The following TSPAN5 variants were observed in gnomAD, a reference collection of about 807,000 sequenced individuals.
The protein encoded by TSPAN5 is tetraspanin-5.
A neutral mutation model predicts 37.1 loss-of-function variants in TSPAN5; 10 were observed. That is an observed-to-expected ratio of 0.27 (90% CI 0.17 to 0.46). TSPAN5 has a LOEUF of 0.46. TSPAN5 is among the 20% of genes least tolerant of loss of function. The pLI is 1.00. For missense variants in TSPAN5, 195 were observed against 326.6 expected, an observed-to-expected ratio of 0.60 and a Z score of 3.11; for synonymous variants, 110 against 118.9, an observed-to-expected ratio of 0.93 and a Z score of 0.48.
intron 1 of TSPAN5, among the ~76,000 whole-genome samples, chr4:98,628,304 T>C (rs1756654284): frequency 6.6e-6 from 1 of 152,042 alleles, no homozygotes; most frequent in South Asian, 2.1e-4. Flanking sequence ...TACATGCAAC[T>C]TTTGAAGGAC....
At chr4:98,598,258 GC>G (rs1560552819) in intron 1 of TSPAN5, among the ~76,000 whole-genome samples, 2 of 142,516 alleles carry the variant, frequency 1.4e-5, no homozygotes, top group East Asian at 4.2e-4. Context: ...GACCCCTTGC[GC>G]TTCCCAGGTG....
chr4:98,649,754 C>CAG (rs1344215733), intron 1 of TSPAN5, among the ~76,000 whole-genome samples: 1 of 152,178 alleles, frequency 6.6e-6, no homozygotes, highest in Non-Finnish European at 1.5e-5. Flanking sequence ...CCACCAGGCA[C>CAG]AGCACAGCCT....
intron 1 of TSPAN5, among the ~76,000 whole-genome samples, chr4:98,578,494 C>T (rs948872866): frequency 3.4e-4 from 51 of 152,064 alleles, no homozygotes; most frequent in Non-Finnish European, 5.1e-4. Flanking sequence ...GGCACAATCT[C>T]GGCTCACTGC....
At chr4:98,555,467 T>A (rs747170061) in intron 1 of TSPAN5, among the ~76,000 whole-genome samples, 5 of 152,182 alleles carry the variant, frequency 3.3e-5, no homozygotes, top group Non-Finnish European at 7.3e-5. Flanking sequence ...CCCCCTCATA[T>A]TACTAACCAC....
intron 1 of TSPAN5, among the ~76,000 whole-genome samples, chr4:98,517,563 C>A (rs550118826): frequency 6.6e-6 from 1 of 152,036 alleles, no homozygotes; most frequent in Non-Finnish European, 1.5e-5. Flanking sequence ...GTCTACAATC[C>A]AGGGACAGTC....
At chr4:98,482,218 A>G (rs375979060) in intron 3 of TSPAN5, 43 bp from the exon 4 acceptor site, 74 of 1,576,414 alleles carry the variant, frequency 4.7e-5, no homozygotes, top group Non-Finnish European at 6.2e-5. Context: ...TATAAGGGCT[A>G]TTTTGATCAT....
intron 1 of TSPAN5, among the ~76,000 whole-genome samples, chr4:98,537,216 C>G (rs1754255073): frequency 6.6e-6 from 1 of 152,162 alleles, no homozygotes; most frequent in East Asian, 1.9e-4. Context: ...CAGGCTCAGT[C>G]CCTCACGGCT....
rs557937347 is a variant in TSPAN5 at position 98,563,894 on chromosome 4, G to T, written c.82-56166C>A. On this transcript the variant is annotated intron_variant, in intron 1 of 7. Coordinates refer to ENST00000305798, the MANE Select transcript of TSPAN5 (RefSeq NM_005723.4). ...TGGGTAGAGGTTGGGGAAGTCTCTA[G>T]ATGTTCTATAATATACAAGACAGTC... Among the ~76,000 whole-genome samples the T allele has an allele frequency of 3.3e-5, 5 of 152,262 alleles. No individual in the cohort carries two copies. The South Asian group carries it at 1.0e-3, about 32-fold the overall frequency.
intron 1 of TSPAN5, among the ~76,000 whole-genome samples, chr4:98,547,195 T>G (rs1388362942): frequency 6.6e-6 from 1 of 152,174 alleles, no homozygotes; most frequent in African/African-American, 2.4e-5. Context: ...CACGCGGTGC[T>G]CCCACTGAGG....
At chr4:98,576,218 T>C (rs1478953447) in intron 1 of TSPAN5, among the ~76,000 whole-genome samples, 3 of 152,156 alleles carry the variant, frequency 2.0e-5, no homozygotes, top group Non-Finnish European at 2.9e-5. Flanking sequence ...TCCCCCTCAA[T>C]TCATGTACAC....
intron 1 of TSPAN5, among the ~76,000 whole-genome samples, chr4:98,550,231 C>T (rs1754579444): frequency 6.6e-6 from 1 of 152,030 alleles, no homozygotes; most frequent in Non-Finnish European, 1.5e-5. Context: ...TATTCTATTC[C>T]ACTGATCTAT....
intron 1 of TSPAN5, among the ~76,000 whole-genome samples, chr4:98,654,164 T>C (rs1368226864): frequency 1.3e-5 from 2 of 152,210 alleles, no homozygotes; most frequent in Non-Finnish European, 2.9e-5. Context: ...CAACTCCAAC[T>C]ACATCTCACC....
chr4:98,588,981 T>C (rs1031838156), intron 1 of TSPAN5, among the ~76,000 whole-genome samples: 5 of 152,116 alleles, frequency 3.3e-5, no homozygotes, highest in African/African-American at 1.2e-4. Flanking sequence ...CTGCATTCTA[T>C]ACATGAGAAA....
At chr4:98,619,600 A>G (rs145272551) in intron 1 of TSPAN5, among the ~76,000 whole-genome samples, 426 of 152,336 alleles carry the variant, frequency 2.8e-3, no homozygotes, top group Non-Finnish European at 4.6e-3. Context: ...CTTACTGCCT[A>G]TTTAAAAAGG....
chr4:98,640,312 G>T (rs1756937523), intron 1 of TSPAN5, among the ~76,000 whole-genome samples: 1 of 152,172 alleles, frequency 6.6e-6, no homozygotes, highest in Non-Finnish European at 1.5e-5. Context: ...ATTTATTTCA[G>T]ATTCAACTAA....
At chr4:98,552,607 T>C (rs1052793577) in intron 1 of TSPAN5, among the ~76,000 whole-genome samples, 2 of 152,168 alleles carry the variant, frequency 1.3e-5, no homozygotes, top group African/African-American at 4.8e-5. Context: ...ACATTAACAA[T>C]TGGTTTGGGA....
At chr4:98,652,238 A>C (rs1472966314) in intron 1 of TSPAN5, among the ~76,000 whole-genome samples, 1 of 152,114 alleles carries the variant, frequency 6.6e-6, no homozygotes, top group Non-Finnish European at 1.5e-5. Context: ...CAGCCCCCAC[A>C]CTTGAAGCCC....
chr4:98,497,472 A>C (rs1480958339), intron 2 of TSPAN5, among the ~76,000 whole-genome samples: 1 of 152,158 alleles, frequency 6.6e-6, no homozygotes, highest in African/African-American at 2.4e-5. Context: ...AGCCTGGCGA[A>C]CTGTGAGAGA....
At chr4:98,495,057 G>A (rs1303938689) in intron 2 of TSPAN5, among the ~76,000 whole-genome samples, 4 of 152,146 alleles carry the variant, frequency 2.6e-5, no homozygotes, top group African/African-American at 9.7e-5. Context: ...GTGCTGCCAC[G>A]ATGGTGGCAC....
Sources: allele counts gnomAD v4.1 joint callset (sites outside exome capture counted in the v4.1 genomes callset), GRCh38; gene constraint gnomAD v4.1.1; transcripts MANE v1.5; gene names NCBI Gene and HGNC (gene_info 2026-07-23, HGNC 2026-07-21).